TRMT11: variants seen among roughly 807,000 people sequenced by gnomAD.
The protein encoded by TRMT11 is tRNA (guanine(10)-N(2))-methyltransferase TRMT11.
In TRMT11, 53 loss-of-function variants were observed where a neutral mutation model predicts 62.8. The ratio of observed to expected loss-of-function variants is 0.84; its 90% CI spans 0.68 to 1.06. TRMT11 has a LOEUF of 1.06. Ranked by LOEUF, TRMT11 falls within the 50% of genes least tolerant of loss-of-function variation. TRMT11 has a pLI of 0.00. For synonymous variants in TRMT11, 188 were observed against 190.3 expected (o/e 0.99, Z 0.10); for missense variants, 556 against 553.4 (o/e 1.00, Z -0.05).
intron 16 of TRMT11, among the ~76,000 whole-genome samples, chr6:126,047,874 G>A (rs1376002855): frequency 4.1e-4 from 63 of 152,220 alleles, no homozygotes; most frequent in Non-Finnish European, 1.8e-4. Context: ...AAGCCAGCTA[G>A]CCTGCTGTTC....
chr6:126,035,258 G>A (rs1239901079), intron 12 of TRMT11, among the ~76,000 whole-genome samples: 2 of 152,012 alleles, frequency 1.3e-5, no homozygotes, highest in Non-Finnish European at 2.9e-5. Context: ...TATGAACTAT[G>A]GTCTTTCCAC....
chr6:126,207,680 G>GT (rs1193681822), downstream of TRMT11, among the ~76,000 whole-genome samples: 4 of 152,260 alleles, frequency 2.6e-5, no homozygotes, highest in Admixed American at 2.6e-4. Context: ...CTGTAGTTAG[G>GT]GTGTATAAAG....
At chr6:126,104,538 C>G (rs993761278) in intron 17 of TRMT11, among the ~76,000 whole-genome samples, 1 of 152,132 alleles carries the variant, frequency 6.6e-6, no homozygotes, top group Non-Finnish European at 1.5e-5. Context: ...GGGCCTGTCC[C>G]CATTTATAGG....
chr6:125,986,819 C>T (rs1489788195), intron 1 of TRMT11, 197 bp downstream of exon 1: 5 of 563,874 alleles, frequency 8.9e-6, no homozygotes, highest in African/African-American at 3.8e-5. Flanking sequence ...GAGACCAAAC[C>T]CCTCGGCCTG....
chr6:126,229,376 T>C, the TRMT11 span, among the ~76,000 whole-genome samples: 1 of 152,228 alleles, frequency 6.6e-6, no homozygotes, highest in Non-Finnish European at 1.5e-5. Context: ...CAGTGACTCA[T>C]ACTCATTGTT....
chr6:126,137,977 A>G (rs1263994513), intron 21 of TRMT11, among the ~76,000 whole-genome samples: 1 of 151,934 alleles, frequency 6.6e-6, no homozygotes, highest in Non-Finnish European at 1.5e-5. Context: ...AGAAGGTGGA[A>G]GAGGATAAAG....
intron 17 of TRMT11, among the ~76,000 whole-genome samples, chr6:126,060,281 A>G (rs1191248851): frequency 6.6e-6 from 1 of 152,242 alleles, no homozygotes; most frequent in Non-Finnish European, 1.5e-5. Flanking sequence ...AAATGTCAAC[A>G]TTGAGGATTG....
Position 126,151,843 on chromosome 6 carries a change from T to C in TRMT11, c.*1824-22982T>C, listed in dbSNP as rs1421406866. Among the ~76,000 whole-genome samples the C allele has an allele frequency of 2.6e-4, 38 of 145,730 alleles. 1 individual carries two copies. Among genetic ancestry groups the C allele is most frequent in the South Asian group, 1.5e-3 (7 of 4,528 alleles). On this transcript the variant is annotated intron_variant and NMD_transcript_variant, in intron 21 of 22. Transcript: ENST00000648977. ...CTTTCTTTCTTTCTTTCTTTCTTTC[T>C]TTCTTTCTTTCTTTCTTTCTTTCCT... is the stretch of plus-strand genomic sequence containing the variant.
chr6:126,093,631 A>ATATATATATATTTTTTTTTTT (rs1554236842), intron 17 of TRMT11, among the ~76,000 whole-genome samples: 2 of 98,012 alleles, frequency 2.0e-5, no homozygotes, highest in African/African-American at 8.7e-5. Flanking sequence ...ATATATATAT[A>ATATATATATATTTTTTTTTTT]TTTTCCCCCA....
chr6:126,152,157 C>T (rs934875907), intron 21 of TRMT11, among the ~76,000 whole-genome samples: 2 of 150,770 alleles, frequency 1.3e-5, no homozygotes, highest in Non-Finnish European at 2.9e-5. Flanking sequence ...TATGTGTCCT[C>T]ACACAGAAAA....
intron 17 of TRMT11, among the ~76,000 whole-genome samples, chr6:126,078,928 T>C (rs1777096575): frequency 6.6e-6 from 1 of 152,246 alleles, no homozygotes; most frequent in South Asian, 2.1e-4. Flanking sequence ...TGTGCAACTT[T>C]TAAAATACAT....
intron 1 of TRMT11, among the ~76,000 whole-genome samples, chr6:125,989,404 T>C (rs1476357433): frequency 6.6e-6 from 1 of 152,152 alleles, no homozygotes; most frequent in East Asian, 1.9e-4. Context: ...CATGAGCCAC[T>C]GCGCCTGGCC....
At chr6:126,267,132 C>T in the TRMT11 span, among the ~76,000 whole-genome samples, 6 of 152,148 alleles carry the variant, frequency 3.9e-5, no homozygotes, top group African/African-American at 1.4e-4. Context: ...TGAATTTTAA[C>T]TTTGCCACAA....
intron 21 of TRMT11, among the ~76,000 whole-genome samples, chr6:126,166,002 A>T (rs1029855946): frequency 6.6e-6 from 1 of 151,632 alleles, no homozygotes; most frequent in Admixed American, 6.6e-5. Context: ...TTTTTCTCTA[A>T]TCTTGTCTTC....
chr6:126,001,722 T>C (rs761182859), intron 7 of TRMT11, among the ~76,000 whole-genome samples: 2 of 152,092 alleles, frequency 1.3e-5, no homozygotes, highest in Non-Finnish European at 2.9e-5. Context: ...TCAGGTTTAG[T>C]AGCCATTGAT....
At chr6:126,029,885 G>GT (rs1043649770) in intron 12 of TRMT11, among the ~76,000 whole-genome samples, 6 of 151,744 alleles carry the variant, frequency 4.0e-5, no homozygotes, top group South Asian at 2.1e-4. Flanking sequence ...TATCCCCAAT[G>GT]TTTTTTTTAT....
At chr6:126,029,823 A>G (rs542689528) in intron 12 of TRMT11, among the ~76,000 whole-genome samples, 1 of 152,348 alleles carries the variant, frequency 6.6e-6, no homozygotes, top group African/African-American at 2.4e-5. Context: ...AGATTCTAGT[A>G]GATAGCATAT....
At chr6:126,054,527 A>G (rs1263551815) in intron 17 of TRMT11, among the ~76,000 whole-genome samples, 1 of 152,120 alleles carries the variant, frequency 6.6e-6, no homozygotes, top group Non-Finnish European at 1.5e-5. Flanking sequence ...GATGATTTTT[A>G]TTGATTTCGC....
In TRMT11 at chr6:126,038,834, T is replaced by C; in HGVS notation, c.1390T>C (p.Ter464ArgextTer5). The C allele has an allele frequency of 6.3e-7, 1 of 1,590,134 alleles. No homozygotes were observed. The highest frequency in any genetic ancestry group is 1.7e-4 in the Middle Eastern group (1 of 5,948). The change falls in exon 13 of 13, where the codon TGA becomes CGA. Residue 464 changes from the stop codon to arginine (R), a stop_lost. Transcript: ENST00000334379. ...IAKEEKSTQE[*>R] is the part of the protein sequence containing the mutation. ...CAAGGAAGAAAAATCCACCCAGGAA[T>C]GAAAATTAAGATTTTGACAATGAAG...
Sources: allele counts gnomAD v4.1 joint callset (sites outside exome capture counted in the v4.1 genomes callset), GRCh38; gene constraint gnomAD v4.1.1; transcripts MANE v1.5; gene names NCBI Gene and HGNC (gene_info 2026-07-23, HGNC 2026-07-21).